Variants in LUZP2 observed in about 807,000 individuals in gnomAD.
The protein encoded by LUZP2 is leucine zipper protein 2.
A neutral mutation model predicts 51.6 loss-of-function variants in LUZP2; 52 were observed. The ratio of observed to expected loss-of-function variants is 1.01; its 90% CI spans 0.81 to 1.27. The LOEUF (loss-of-function observed/expected upper bound fraction) is 1.27, where lower values mean the gene tolerates loss of function less well. Ranked by LOEUF, LUZP2 falls within the 50% of genes most tolerant of loss-of-function variation. The pLI, the probability that LUZP2 is intolerant of heterozygous loss-of-function variation, is 0.00. For missense variants in LUZP2, 436 were observed against 395.4 expected, an observed-to-expected ratio of 1.10 and a Z score of -0.87; for synonymous variants, 154 against 137.3, an observed-to-expected ratio of 1.12 and a Z score of -0.85.
At position 25,078,608 on chromosome 11, in the gene LUZP2, C is replaced by G. The variant is rs770079846; in HGVS notation, c.991C>G (p.Pro331Ala). Residue 331 changes from proline (P) to alanine (A), a missense_variant, in exon 12 of 12, where the codon CCA becomes GCA. Coordinates refer to ENST00000336930, the MANE Select transcript of LUZP2 (RefSeq NM_001009909.4). ...ECEVKKAPEKPLTSFEGMAAR... is the reference protein window; with the variant it reads ...ECEVKKAPEKALTSFEGMAAR... ...TGAGGTGAAAAAAGCCCCAGAAAAA[C>G]CATTGACCAGCTTTGAAGGGATGGC... 6.2e-7 allele frequency: 1 copy of G among 1,612,326 alleles called. No individual in the cohort carries two copies. The highest frequency in any genetic ancestry group is 1.1e-5 in the South Asian group (1 of 90,692).
intron 4 of LUZP2, among the ~76,000 whole-genome samples, chr11:24,738,946 G>A (rs963972680): frequency 3.3e-5 from 5 of 152,162 alleles, no homozygotes; most frequent in Middle Eastern, 3.4e-3. Flanking sequence ...GCCACCTTAC[G>A]CACCATGTAT....
chr11:24,622,474 G>C (rs1212973352), intron 1 of LUZP2, among the ~76,000 whole-genome samples: 1 of 152,042 alleles, frequency 6.6e-6, no homozygotes, highest in Non-Finnish European at 1.5e-5. Context: ...GCTTCCCAAA[G>C]TGCGGGATTT....
In LUZP2 at chr11:24,763,237, C is replaced by G. The variant is rs1406038476; in HGVS notation, c.334-9C>G. 2.3e-6 allele frequency: 3 copies of G among 1,296,886 alleles called. No homozygotes were observed. The highest frequency in any genetic ancestry group is 3.1e-6 in the Non-Finnish European group (3 of 962,462). 80.3% of individuals were successfully genotyped at this position (1,296,886 alleles called of 1,614,324 possible). A position where few individuals can be genotyped will look rare whatever the true frequency, so the allele number is the denominator to read the frequency against. ...GAATGTGTCTACATAATAGTCTATT[C>G]ATTTTCAGATTAATTTTTTAAAGAC... is the stretch of plus-strand genomic sequence containing the variant. On this transcript the variant is annotated splice_polypyrimidine_tract_variant and intron_variant, in intron 4 of 11. Transcript: ENST00000336930.
intron 1 of LUZP2, among the ~76,000 whole-genome samples, chr11:24,724,302 G>A (rs1858391235): frequency 6.6e-6 from 1 of 152,104 alleles, no homozygotes; most frequent in African/African-American, 2.4e-5. Context: ...AGGGGTCATG[G>A]CTCACACCTC....
chr11:24,693,854 A>G (rs1246434327), intron 1 of LUZP2, among the ~76,000 whole-genome samples: 1 of 152,056 alleles, frequency 6.6e-6, no homozygotes, highest in Non-Finnish European at 1.5e-5. Context: ...ATGACCAATA[A>G]TTGTACAAAA....
chr11:24,652,169 G>A (rs991690885), intron 1 of LUZP2, among the ~76,000 whole-genome samples: 5 of 151,886 alleles, frequency 3.3e-5, no homozygotes, highest in Non-Finnish European at 7.4e-5. Context: ...TCTGGAGAAA[G>A]CTAATAGAGT....
At chr11:24,559,996 G>A (rs1851983621) in intron 1 of LUZP2, among the ~76,000 whole-genome samples, 1 of 152,044 alleles carries the variant, frequency 6.6e-6, no homozygotes, top group African/African-American at 2.4e-5. Context: ...ATAGGGGAGG[G>A]ATAGCATTAA....
chr11:24,903,405 C>T (rs1376214415), intron 5 of LUZP2, among the ~76,000 whole-genome samples: 4 of 152,088 alleles, frequency 2.6e-5, no homozygotes, highest in African/African-American at 9.7e-5. Flanking sequence ...AGGAAAAAAA[C>T]AAGTATTCTT....
intron 1 of LUZP2, among the ~76,000 whole-genome samples, chr11:24,623,294 G>A (rs192343887): frequency 1.3e-5 from 2 of 152,142 alleles, no homozygotes; most frequent in Non-Finnish European, 1.5e-5. Context: ...AAACTCTTAA[G>A]CCAGTGCTGG....
chr11:24,749,515 A>C (rs949343960), intron 4 of LUZP2, among the ~76,000 whole-genome samples: 1 of 152,120 alleles, frequency 6.6e-6, no homozygotes, highest in African/African-American at 2.4e-5. Flanking sequence ...TGGGGGAGAA[A>C]GACCTACCCT....
intron 5 of LUZP2, among the ~76,000 whole-genome samples, chr11:24,885,191 T>G (rs928378597): frequency 6.6e-6 from 1 of 152,086 alleles, no homozygotes; most frequent in Non-Finnish European, 1.5e-5. Flanking sequence ...TAATAATGCC[T>G]TATAAATTGT....
chr11:24,926,288 C>T lies in LUZP2; in HGVS notation c.522+11750C>T, dbSNP rs181176975. ...ATATATATACGTGTATATATATATA[C>T]GTGTGTATATATATACGTGTGTATA... On this transcript the variant is annotated intron_variant, in intron 7 of 11. Transcript: ENST00000336930. Among the ~76,000 whole-genome samples, 316 of 59,548 alleles carry T rather than the reference C, an allele frequency of 5.3e-3. 11 individuals carry two copies. The highest frequency in any genetic ancestry group is 0.019 in the African/African-American group (260 of 13,458). The allele number at this position is 59,548 out of a possible 152,430, so 39.1% of individuals were successfully genotyped here. A position where few individuals can be genotyped will look rare whatever the true frequency, so the allele number is the denominator to read the frequency against.
In LUZP2 at chr11:24,882,068, G is replaced by A. The variant is rs78306670; in HGVS notation, c.397-23923G>A. 6.8e-3 allele frequency among the ~76,000 whole-genome samples: 1,027 copies of A among 151,902 alleles called. 16 individuals carry two copies. The highest frequency in any genetic ancestry group is 0.057 in the East Asian group (295 of 5,178). The stretch of plus-strand genomic sequence containing the variant: ...AGATAGCTCTCATTGGTATCAGGTC[G>A]CTTCATGTAATTAAAGGCAGTTTTA... On this transcript the variant is annotated intron_variant, in intron 5 of 11. Coordinates refer to ENST00000336930, the MANE Select transcript of LUZP2 (RefSeq NM_001009909.4).
At chr11:24,699,559 G>C (rs562793930) in intron 1 of LUZP2, among the ~76,000 whole-genome samples, 6 of 151,918 alleles carry the variant, frequency 3.9e-5, no homozygotes, top group African/African-American at 1.4e-4. Context: ...AAAGCACACA[G>C]AAGTTTTTGG....
At chr11:24,993,279 G>T (rs1036539479) in intron 9 of LUZP2, among the ~76,000 whole-genome samples, 1 of 152,040 alleles carries the variant, frequency 6.6e-6, no homozygotes, top group Non-Finnish European at 1.5e-5. Flanking sequence ...GTTTTACTTT[G>T]TTTTCAATTA....
chr11:25,011,099 G>A lies in LUZP2; in HGVS notation c.765+27806G>A, dbSNP rs147347761. Among the ~76,000 whole-genome samples the A allele has an allele frequency of 1.9e-3, 284 of 152,220 alleles. 9 individuals carry two copies. The East Asian group carries it at 0.048, about 26-fold the overall frequency. The stretch of plus-strand genomic sequence containing the variant: ...ATAGTTAATGGGTTAATTCTGAACA[G>A]CAACCCTCGAGGGCATGGGGCATAT... On this transcript the variant is annotated intron_variant, in intron 9 of 11. Coordinates refer to ENST00000336930, the MANE Select transcript of LUZP2 (RefSeq NM_001009909.4).
chr11:25,049,681 G>A (rs1327590605), intron 9 of LUZP2, among the ~76,000 whole-genome samples: 3 of 151,904 alleles, frequency 2.0e-5, no homozygotes, highest in African/African-American at 7.2e-5. Flanking sequence ...CTATATACTG[G>A]GGGTTAAAAT....
At chr11:24,597,517 C>T (rs773641536) in intron 1 of LUZP2, among the ~76,000 whole-genome samples, 23 of 152,116 alleles carry the variant, frequency 1.5e-4, no homozygotes, top group Non-Finnish European at 3.4e-4. Flanking sequence ...GTTGTGCATA[C>T]AAATGTAATC....
chr11:24,764,559 G>A (rs913171648), intron 5 of LUZP2, among the ~76,000 whole-genome samples: 3 of 150,080 alleles, frequency 2.0e-5, no homozygotes, highest in Non-Finnish European at 3.0e-5. Context: ...AGCTTCTTAC[G>A]AGGCCAAGGC....
Sources: gnomAD v4.1 joint callset for allele counts (sites outside exome capture counted in the v4.1 genomes callset) on GRCh38, gnomAD v4.1.1 for gene constraint, MANE v1.5 for transcripts, NCBI Gene and HGNC (gene_info 2026-07-23, HGNC 2026-07-21) for gene names.